Variants in PNPLA7 observed in about 807,000 individuals in gnomAD.
The protein encoded by PNPLA7 is patatin-like phospholipase domain-containing protein 7.
PNPLA7 carries 153 observed loss-of-function variants against 161.7 expected under a neutral mutation model. That is an observed-to-expected ratio of 0.95 (90% CI 0.83 to 1.08). PNPLA7 has a LOEUF of 1.08. PNPLA7 is among the 50% of genes least tolerant of loss of function. PNPLA7 has a pLI of 0.00. For missense variants in PNPLA7, 1,739 were observed against 1,856.6 expected, an observed-to-expected ratio of 0.94 and a Z score of 1.16; for synonymous variants, 809 against 782.1, an observed-to-expected ratio of 1.03 and a Z score of -0.57.
rs1832696315 is a variant in PNPLA7, at chr9:137,490,176, C to T, written c.2197+2837G>A. On this transcript the variant is annotated intron_variant, in intron 20 of 34. Coordinates refer to ENST00000406427, the MANE Select transcript of PNPLA7 (RefSeq NM_001098537.3). The surrounding 1 kb of genome is among the most constrained non-coding windows in gnomAD (Gnocchi z 4.1). ...TGGCGCGATCATAGCTCACTGTAAC[C>T]TCGAACTCCGAGGCCCAAACGATCC... Among the ~76,000 whole-genome samples, 1 of 152,220 alleles carries T rather than the reference C, an allele frequency of 6.6e-6. No homozygotes were observed. Among genetic ancestry groups the T allele is most frequent in the South Asian group, 2.1e-4 (1 of 4,834 alleles).
At chr9:137,522,279 TG>T (rs1835049999) in intron 9 of PNPLA7, among the ~76,000 whole-genome samples, 1 of 151,538 alleles carries the variant, frequency 6.6e-6, no homozygotes, top group African/African-American at 2.4e-5. Flanking sequence ...TTTCACCGTG[TG>T]AGCCAGGATG....
chr9:137,462,079 G>A, intron 31 of PNPLA7, 38 bp from the exon 32 acceptor site: 1 of 1,534,520 alleles, frequency 6.5e-7, no homozygotes, highest in Non-Finnish European at 8.8e-7. Context: ...GAGGTGTGGG[G>A]AGCCCCCCAC....
chr9:137,528,926 T>G (rs879481760), intron 8 of PNPLA7, among the ~76,000 whole-genome samples: 3 of 150,840 alleles, frequency 2.0e-5, no homozygotes, highest in Non-Finnish European at 3.0e-5. Context: ...GGTCTCGATC[T>G]CCTGACCTCG....
intron 20 of PNPLA7, among the ~76,000 whole-genome samples, chr9:137,488,077 G>A (rs940448040): frequency 6.6e-6 from 1 of 152,260 alleles, no homozygotes; most frequent in African/African-American, 2.4e-5. Context: ...CCAAAGTGCT[G>A]CTGAGCACAG....
Position 137,540,138 on chromosome 9 carries a change from C to A in PNPLA7, c.747+504G>T, listed in dbSNP as rs563520372. On this transcript the variant is annotated intron_variant, in intron 8 of 34. Transcript: ENST00000406427. The surrounding 1 kb of genome is among the most constrained non-coding windows in gnomAD (Gnocchi z 5.1). The stretch of plus-strand genomic sequence containing the variant: ...CATCCCTGGGACCCTGCAAGTCCAC[C>A]CTAGGATTTATCCTGCAGATCAGGC... 7.9e-5 allele frequency among the ~76,000 whole-genome samples: 12 copies of A among 152,300 alleles called. No homozygotes were observed. In the South Asian group the frequency reaches 2.5e-3, roughly 32 times the overall value.
chr9:137,463,791 AGTGAACCCCTCATCCCCCTGAACCAG>A (rs1441635083), intron 28 of PNPLA7, among the ~76,000 whole-genome samples: 2 of 151,006 alleles, frequency 1.3e-5, no homozygotes, highest in Non-Finnish European at 3.0e-5. Flanking sequence ...CCCATGACCG[AGTGAACCCCTCATCCCCCTGAACCAG>A]GTGAGCCCCT....
At position 137,460,136 on chromosome 9, in the gene PNPLA7, GCAGGGGGTTCACAGAGCTT is replaced by G. The variant is rs953026050; in HGVS notation, c.*238_*256del. 8.3e-5 allele frequency: 34 copies of G among 409,624 alleles called. No individual in the cohort carries two copies. The highest frequency in any genetic ancestry group is 1.3e-4 in the Non-Finnish European group (29 of 219,936). 25.4% of individuals were successfully genotyped at this position (409,624 alleles called of 1,614,324 possible). A position where few individuals can be genotyped will look rare whatever the true frequency, so the allele number is the denominator to read the frequency against. On this transcript the variant is annotated 3_prime_UTR_variant, in exon 35 of 35. Transcript: ENST00000406427. ...GGGCTTCGGGGGGCCTCACAGGGCT[GCAGGGGGTTCACAGAGCTT>G]CAGGGGCCTCACAGAGCTTCAGGGG...
intron 11 of PNPLA7, 48 bp downstream of exon 11, chr9:137,519,869 C>G (rs925140727): frequency 6.3e-7 from 1 of 1,577,156 alleles, no homozygotes; most frequent in South Asian, 1.2e-5. Flanking sequence ...GAGCAGGATC[C>G]CCCGGACTCT....
chr9:137,480,715 T>A (rs888314177), intron 22 of PNPLA7: 3 of 712,868 alleles, frequency 4.2e-6, no homozygotes, highest in Non-Finnish European at 6.8e-6. Flanking sequence ...CTGGGGAGAG[T>A]GAGACCCGGG....
intron 8 of PNPLA7, among the ~76,000 whole-genome samples, chr9:137,533,704 C>T (rs186080914): frequency 0.01 from 1,536 of 151,216 alleles, 53 homozygotes; most frequent in Non-Finnish European, 4.8e-3. Context: ...TGGGAGCACT[C>T]CCAGACTCCT....
chr9:137,516,273 G>C (rs1834564907), intron 11 of PNPLA7: 1 of 972,252 alleles, frequency 1.0e-6, no homozygotes, highest in Non-Finnish European at 1.2e-6. Flanking sequence ...GGCTCGCCTG[G>C]GATGGGCCAC....
intron 14 of PNPLA7, among the ~76,000 whole-genome samples, chr9:137,502,295 G>T (rs1438900894): frequency 6.6e-6 from 1 of 152,110 alleles, no homozygotes; most frequent in East Asian, 1.9e-4. Flanking sequence ...GAAACATCAG[G>T]TGTGTAAACC....
chr9:137,495,126 CTGGTGGG>C lies in PNPLA7; in HGVS notation c.2027_2033del (p.Thr676ArgfsTer34). The stretch of plus-strand genomic sequence containing the variant: ...CGGCATGCACCGTGGTCGCCCGGGC[CTGGTGGG>C]TCAGTGTCTCCACCTGAGGACAGGA... On this transcript the variant is annotated frameshift_variant, in exon 19 of 35. Coordinates refer to ENST00000406427, the MANE Select transcript of PNPLA7 (RefSeq NM_001098537.3). LOFTEE classifies it high-confidence loss of function. 6.2e-7 allele frequency: 1 copy of C among 1,604,316 alleles called. No homozygotes were observed.
chr9:137,466,134 C>T (rs370084262), intron 26 of PNPLA7, among the ~76,000 whole-genome samples: 1 of 152,184 alleles, frequency 6.6e-6, no homozygotes, highest in Non-Finnish European at 1.5e-5. Flanking sequence ...CGGCCCCCAG[C>T]GTGCCTGAAG....
chr9:137,496,499 G>T (rs1008383264), intron 18 of PNPLA7, among the ~76,000 whole-genome samples: 1 of 152,024 alleles, frequency 6.6e-6, no homozygotes, highest in Non-Finnish European at 1.5e-5. Context: ...ATCACCTGCG[G>T]TCGGGAGTTG....
chr9:137,492,145 G>C lies in PNPLA7; in HGVS notation c.2197+868C>G, dbSNP rs571127227. ...GAGGACAGCCTGAGAGCTAACAGTG[G>C]CTCCAGAAAAAAGTACACCTCAGAA... On this transcript the variant is annotated intron_variant, in intron 20 of 34. Transcript: ENST00000406427. The C allele has an allele frequency of 4.1e-6, 4 of 985,234 alleles. No individual in the cohort carries two copies. In the African/African-American group the frequency reaches 7.0e-5, roughly 17 times the overall value. 61.0% of individuals were successfully genotyped at this position (985,234 alleles called of 1,614,324 possible). A position where few individuals can be genotyped will look rare whatever the true frequency, so the allele number is the denominator to read the frequency against.
intron 4 of PNPLA7, among the ~76,000 whole-genome samples, chr9:137,545,752 G>C (rs1377925717): frequency 6.6e-6 from 1 of 152,236 alleles, no homozygotes. Flanking sequence ...ATAGTGAGGA[G>C]TGACCAGAAG....
rs896600631 is a variant in PNPLA7, at chr9:137,524,110, T to C, written c.748-1253A>G. Reference sequence around the variant, plus strand: ...CCCTGGCAGCCTTTTCGCAACCTCCTTTCTTCCCACCACTGGGTCTTGGCA... The same window carrying C: ...CCCTGGCAGCCTTTTCGCAACCTCCCTTCTTCCCACCACTGGGTCTTGGCA... On this transcript the variant is annotated intron_variant, in intron 8 of 34. Coordinates refer to ENST00000406427, the MANE Select transcript of PNPLA7 (RefSeq NM_001098537.3). The surrounding 1 kb of genome is among the most constrained non-coding windows in gnomAD (Gnocchi z 4.4). Among the ~76,000 whole-genome samples the C allele has an allele frequency of 1.3e-5, 2 of 152,206 alleles. No individual in the cohort carries two copies. The highest frequency in any genetic ancestry group is 1.3e-4 in the Admixed American group (2 of 15,278).
intron 1 of PNPLA7, among the ~76,000 whole-genome samples, chr9:137,549,089 G>A (rs1401102178): frequency 1.3e-5 from 2 of 152,252 alleles, no homozygotes; most frequent in Non-Finnish European, 2.9e-5. Context: ...CGGTGGAGCG[G>A]CTCAGCCTTT....
Sources: allele counts gnomAD v4.1 joint callset (sites outside exome capture counted in the v4.1 genomes callset), GRCh38; gene constraint gnomAD v4.1.1; non-coding constraint Gnocchi (gnomAD v3.1); transcripts MANE v1.5; gene names NCBI Gene and HGNC (gene_info 2026-07-23, HGNC 2026-07-21).